Variants in LRP1B observed in about 807,000 individuals in gnomAD.
The protein encoded by LRP1B is LDL receptor related protein 1B.
A neutral mutation model predicts 556.6 loss-of-function variants in LRP1B; 217 were observed. That is an observed-to-expected ratio of 0.39 (90% CI 0.35 to 0.44). The LOEUF (loss-of-function observed/expected upper bound fraction) is 0.44, where lower values mean the gene tolerates loss of function less well. Among genes scored for constraint, LRP1B ranks in the 20% least tolerant of loss-of-function variants. The pLI is 1.00. For synonymous variants in LRP1B, 2,047 were observed against 1,865.8 expected (o/e 1.10, Z -2.50); for missense variants, 5,053 against 5,620.8 (o/e 0.90, Z 3.23).
intron 1 of LRP1B, among the ~76,000 whole-genome samples, chr2:141,835,005 A>G (rs1697226508): frequency 6.6e-6 from 1 of 151,940 alleles, no homozygotes. Context: ...AGATCAATTG[A>G]TATTGTATAG....
At chr2:141,538,633 AACTT>A (rs1228185974) in intron 2 of LRP1B, among the ~76,000 whole-genome samples, 1 of 126,234 alleles carries the variant, frequency 7.9e-6, no homozygotes, top group East Asian at 2.1e-4. Flanking sequence ...CCCTGAAAAA[AACTT>A]CTTTTTTTTT....
At chr2:141,717,024 G>A (rs1692628330) in intron 2 of LRP1B, among the ~76,000 whole-genome samples, 1 of 152,018 alleles carries the variant, frequency 6.6e-6, no homozygotes, top group South Asian at 2.1e-4. Context: ...AGGTGTTGAG[G>A]TGCTCATGCA....
chr2:140,994,389 A>ATGTG (rs3061707), intron 15 of LRP1B, among the ~76,000 whole-genome samples: 57,957 of 146,930 alleles, frequency 0.39, 11,813 homozygotes, highest in Admixed American at 0.49. Context: ...GTAGGTAAGG[A>ATGTG]TGTGTGTGTG....
chr2:141,069,643 T>A (rs996316207), intron 7 of LRP1B, among the ~76,000 whole-genome samples: 47 of 152,058 alleles, frequency 3.1e-4, no homozygotes, highest in Admixed American at 7.9e-4. Context: ...GTGGCTACAC[T>A]TTACTGCAGC....
At chr2:140,335,903 C>T (rs866636819) in intron 77 of LRP1B, 65 bp from the exon 78 acceptor site, 2 of 990,194 alleles carry the variant, frequency 2.0e-6, no homozygotes, top group East Asian at 4.8e-5. Flanking sequence ...TTTTCTGTAT[C>T]TTTACATTGA....
At chr2:141,581,768 C>T (rs1686964208) in intron 2 of LRP1B, among the ~76,000 whole-genome samples, 1 of 152,082 alleles carries the variant, frequency 6.6e-6, no homozygotes, top group South Asian at 2.1e-4. Flanking sequence ...TTTCCCTTTC[C>T]TTTGTCATTC....
chr2:141,990,012 T>A (rs1702302098), intron 1 of LRP1B, among the ~76,000 whole-genome samples: 1 of 152,126 alleles, frequency 6.6e-6, no homozygotes, highest in Non-Finnish European at 1.5e-5. Context: ...GAATACACAC[T>A]ATTGATTAGA....
At chr2:142,055,404 G>A (rs1054247845) in intron 1 of LRP1B, among the ~76,000 whole-genome samples, 1 of 152,100 alleles carries the variant, frequency 6.6e-6, no homozygotes, top group Non-Finnish European at 1.5e-5. Context: ...AAGACTATTT[G>A]CAGAGAAGAG....
intron 1 of LRP1B, among the ~76,000 whole-genome samples, chr2:141,925,291 G>T (rs1335665575): frequency 1.3e-5 from 2 of 152,140 alleles, no homozygotes; most frequent in Admixed American, 6.5e-5. Context: ...AGTTGCATAT[G>T]TTTTCCTGGA....
At chr2:141,976,131 T>C (rs1300069969) in intron 1 of LRP1B, among the ~76,000 whole-genome samples, 1 of 152,152 alleles carries the variant, frequency 6.6e-6, no homozygotes, top group East Asian at 1.9e-4. Context: ...CAATTTTTTT[T>C]CTGCTCAATA....
At chr2:141,675,344 A>G (rs1005696551) in intron 2 of LRP1B, among the ~76,000 whole-genome samples, 2 of 151,932 alleles carry the variant, frequency 1.3e-5, no homozygotes, top group Non-Finnish European at 2.9e-5. Flanking sequence ...AGTTACAAAA[A>G]TAATTCTCAC....
At chr2:140,492,881 C>T (rs1688761308) in intron 56 of LRP1B, among the ~76,000 whole-genome samples, 188 bp from the exon 57 acceptor site, 1 of 152,136 alleles carries the variant, frequency 6.6e-6, no homozygotes, top group Admixed American at 6.6e-5. Flanking sequence ...CACGCCCAGG[C>T]AGTACAGAAA....
At chr2:140,529,494 C>A (rs961973525) in intron 47 of LRP1B, among the ~76,000 whole-genome samples, 4 of 151,706 alleles carry the variant, frequency 2.6e-5, no homozygotes, top group African/African-American at 9.7e-5. Context: ...CAAACAACAT[C>A]TTTTATTTAA....
At chr2:141,884,564 C>A (rs1337705754) in intron 1 of LRP1B, among the ~76,000 whole-genome samples, 1 of 152,150 alleles carries the variant, frequency 6.6e-6, no homozygotes, top group Non-Finnish European at 1.5e-5. Flanking sequence ...TTCTTACCAA[C>A]CTGCCATACA....
chr2:141,731,527 A>T (rs573780171), intron 2 of LRP1B, among the ~76,000 whole-genome samples: 2 of 152,272 alleles, frequency 1.3e-5, no homozygotes, highest in South Asian at 4.1e-4. Context: ...ATAAAGCCAC[A>T]TATTTTTTTC....
chr2:141,244,643 T>C lies in LRP1B; in HGVS notation c.592+2583A>G, dbSNP rs148276078. On this transcript the variant is annotated intron_variant, in intron 5 of 90. Coordinates refer to ENST00000389484, the MANE Select transcript of LRP1B (RefSeq NM_018557.3). ...CCTGATTGCACTAACTGGAATTACA[T>C]ATAACTGAAGCCAAAAGTATCCTCT... Among the ~76,000 whole-genome samples the C allele has an allele frequency of 4.8e-3, 736 of 152,256 alleles. 6 individuals are homozygous for C. The highest frequency in any genetic ancestry group is 0.017 in the African/African-American group (706 of 41,554).
At chr2:141,153,788 A>C (rs1460971567) in intron 7 of LRP1B, among the ~76,000 whole-genome samples, 1 of 150,962 alleles carries the variant, frequency 6.6e-6, no homozygotes, top group African/African-American at 2.4e-5. Context: ...TTTGAGACTA[A>C]TTGGTAAACA....
intron 79 of LRP1B, among the ~76,000 whole-genome samples, chr2:140,326,571 AG>A (rs1362226156): frequency 6.6e-6 from 1 of 151,900 alleles, no homozygotes; most frequent in Non-Finnish European, 1.5e-5. Context: ...AAAAATTAGC[AG>A]GGAGTGGTGT....
intron 2 of LRP1B, among the ~76,000 whole-genome samples, chr2:141,679,834 T>A (rs1691040819): frequency 6.6e-6 from 1 of 151,678 alleles, no homozygotes. Flanking sequence ...GTAGACATAA[T>A]AAAAGATATA....
Sources: gnomAD v4.1 joint callset for allele counts (sites outside exome capture counted in the v4.1 genomes callset) on GRCh38, gnomAD v4.1.1 for gene constraint, MANE v1.5 for transcripts, NCBI Gene and HGNC (gene_info 2026-07-23, HGNC 2026-07-21) for gene names.